The following RFPL1 variants were observed in gnomAD, a reference collection of about 807,000 sequenced individuals.
RFPL1 encodes ret finger protein-like 1.
Under a neutral mutation model 9.6 loss-of-function variants are expected in RFPL1, and 6 were observed. The ratio of observed to expected loss-of-function variants is 0.62; its 90% confidence interval spans 0.34 to 1.23. RFPL1 has a LOEUF of 1.23. Ranked by LOEUF, RFPL1 falls within the 50% of genes most tolerant of loss-of-function variation. The probability of loss-of-function intolerance (pLI) is 0.03; values close to 1 mark genes in which losing one functional copy is unlikely to be tolerated. For missense variants in RFPL1, 352 were observed against 398.4 expected (o/e 0.88, Z 0.99); for synonymous variants, 145 against 149.4 (o/e 0.97, Z 0.22).
At chr22:29,396,897 C>CTTTT in the RFPL1 span, among the ~76,000 whole-genome samples, 14 of 72,580 alleles carry the variant, frequency 1.9e-4, 1 homozygote, top group African/African-American at 5.4e-4. Flanking sequence ...CCTGAAACTT[C>CTTTT]TTTTTTTTTT....
chr22:29,408,017 G>A, the RFPL1 span, among the ~76,000 whole-genome samples: 1 of 152,178 alleles, frequency 6.6e-6, no homozygotes, highest in African/African-American at 2.4e-5. Context: ...CATCCTGAAT[G>A]TAACTCATTG....
chr22:29,412,163 C>T, the RFPL1 span, among the ~76,000 whole-genome samples: 3 of 152,150 alleles, frequency 2.0e-5, no homozygotes, highest in Non-Finnish European at 2.9e-5. Flanking sequence ...TGACACAGAG[C>T]AGACAGGACA....
chr22:29,433,353 T>C, the RFPL1 span: 1 of 151,872 alleles, frequency 6.6e-6, no homozygotes, highest in Non-Finnish European at 1.5e-5. Flanking sequence ...AGAGTGTGGA[T>C]ATCTCTGCTG....
At chr22:29,398,753 T>C in the RFPL1 span, among the ~76,000 whole-genome samples, 2 of 152,250 alleles carry the variant, frequency 1.3e-5, no homozygotes, top group South Asian at 4.1e-4. Flanking sequence ...TAGTCTCCCG[T>C]GTAGCTAGGT....
the RFPL1 span, among the ~76,000 whole-genome samples, chr22:29,397,052 C>T: frequency 7.9e-5 from 12 of 151,782 alleles, no homozygotes; most frequent in African/African-American, 2.2e-4. Context: ...GGACTACAGG[C>T]GCCTGCCACC....
the RFPL1 span, among the ~76,000 whole-genome samples, chr22:29,418,789 C>T: frequency 1.2e-3 from 180 of 152,104 alleles, no homozygotes; most frequent in Non-Finnish European, 2.2e-3. Context: ...TGAGCCACTG[C>T]GCCTGGCCCA....
At chr22:29,396,020 AAAGAGAAGAG>A in the RFPL1 span, among the ~76,000 whole-genome samples, 14 of 151,820 alleles carry the variant, frequency 9.2e-5, no homozygotes, top group African/African-American at 1.2e-4. Flanking sequence ...AAGAGAAAGA[AAAGAGAAGAG>A]AAGAGAAGAG....
chr22:29,432,268 C>T, the RFPL1 span, among the ~76,000 whole-genome samples: 10 of 152,174 alleles, frequency 6.6e-5, no homozygotes, highest in Admixed American at 6.5e-4. Flanking sequence ...AAACTATGTC[C>T]ACAGTTCCCA....
At chr22:29,420,634 C>CTTTTTTTTTTT in the RFPL1 span, among the ~76,000 whole-genome samples, 9 of 53,452 alleles carry the variant, frequency 1.7e-4, 3 homozygotes, top group African/African-American at 1.2e-4. Flanking sequence ...TGGTTTTTTG[C>CTTTTTTTTTTT]TTTTTTTTTT....
At chr22:29,436,978 T>C (rs2062811663), upstream of RFPL1, 1 of 152,296 alleles carries the variant, frequency 6.6e-6, no homozygotes, top group Non-Finnish European at 1.5e-5. Flanking sequence ...AATGAAAAGA[T>C]TCGGGGTTGA....
At chr22:29,427,190 G>T in the RFPL1 span, among the ~76,000 whole-genome samples, 2 of 152,236 alleles carry the variant, frequency 1.3e-5, no homozygotes, top group Non-Finnish European at 1.5e-5. Flanking sequence ...CTGAGGGGGG[G>T]CCTGACAGTG....
the RFPL1 span, among the ~76,000 whole-genome samples, chr22:29,422,244 G>A: frequency 6.6e-6 from 1 of 152,264 alleles, no homozygotes; most frequent in East Asian, 1.9e-4. Flanking sequence ...AGGAGTTTGA[G>A]ACCAGCCTGG....
the RFPL1 span, chr22:29,419,112 T>C: frequency 7.0e-7 from 1 of 1,418,680 alleles, no homozygotes; most frequent in Non-Finnish European, 1.0e-6. Flanking sequence ...AACCCTCCCC[T>C]GTCAGCCAGC....
At chr22:29,412,963 T>A in the RFPL1 span, among the ~76,000 whole-genome samples, 91 of 152,146 alleles carry the variant, frequency 6.0e-4, 1 homozygote, top group South Asian at 0.019. Context: ...CCTGCTGGAA[T>A]CCCTCTGGAC....
At chr22:29,432,353 T>G in the RFPL1 span, among the ~76,000 whole-genome samples, 8 of 152,194 alleles carry the variant, frequency 5.3e-5, no homozygotes, top group Non-Finnish European at 8.8e-5. Context: ...CACCCTGTGA[T>G]GAATTTAAAG....
the RFPL1 span, among the ~76,000 whole-genome samples, chr22:29,412,367 C>T: frequency 1.3e-5 from 2 of 152,154 alleles, no homozygotes; most frequent in Admixed American, 6.5e-5. Flanking sequence ...CGTAGCCCCC[C>T]AGTTCTTGGC....
At chr22:29,403,851 C>G in the RFPL1 span, among the ~76,000 whole-genome samples, 2 of 152,172 alleles carry the variant, frequency 1.3e-5, no homozygotes, top group African/African-American at 4.8e-5. Flanking sequence ...CTCGACTCCA[C>G]GAAGGGGAAT....
At chr22:29,393,071 A>G in the RFPL1 span, among the ~76,000 whole-genome samples, 2 of 152,210 alleles carry the variant, frequency 1.3e-5, no homozygotes, top group Non-Finnish European at 2.9e-5. Flanking sequence ...GGTAGGAAGT[A>G]CCAGGGAGGC....
At chr22:29,409,143 C>T in the RFPL1 span, among the ~76,000 whole-genome samples, 49 of 152,100 alleles carry the variant, frequency 3.2e-4, 1 homozygote, top group South Asian at 2.7e-3. Context: ...CGTGATTCAG[C>T]GTTTTTACTA....
Sources: gnomAD v4.1 joint callset for allele counts (sites outside exome capture counted in the v4.1 genomes callset) on GRCh38, gnomAD v4.1.1 for gene constraint, MANE v1.5 for transcripts, NCBI Gene and HGNC (gene_info 2026-07-23, HGNC 2026-07-21) for gene names.